Variants in R3HDM1 observed in about 807,000 individuals in gnomAD.
R3HDM1 encodes R3H domain-containing protein 1.
A neutral mutation model predicts 141.1 loss-of-function variants in R3HDM1; 46 were observed. The ratio of observed to expected loss-of-function variants is 0.33; its 90% CI spans 0.26 to 0.42. The LOEUF (loss-of-function observed/expected upper bound fraction) is 0.42. Ranked by LOEUF, R3HDM1 falls within the 10% of genes least tolerant of loss-of-function variation. The pLI is 1.00. For synonymous variants in R3HDM1, 435 were observed against 472.9 expected, an observed-to-expected ratio of 0.92 and a Z score of 1.04; for missense variants, 1,184 against 1,368.3, an observed-to-expected ratio of 0.87 and a Z score of 2.12.
intron 1 of R3HDM1, among the ~76,000 whole-genome samples, chr2:135,595,429 A>G (rs1191185302): frequency 2.6e-5 from 4 of 152,222 alleles, no homozygotes; most frequent in Non-Finnish European, 5.9e-5. Flanking sequence ...TCTGGAGCCA[A>G]CACTACCTGA....
chr2:135,536,532 C>T, intron 1 of R3HDM1: 1 of 928,424 alleles, frequency 1.1e-6, no homozygotes, highest in Non-Finnish European at 1.3e-6. Context: ...ATAACAACTT[C>T]ATCTGCAAAA....
At chr2:135,586,783 T>C (rs1708031742) in intron 1 of R3HDM1, 1 of 985,172 alleles carries the variant, frequency 1.0e-6, no homozygotes, top group Non-Finnish European at 1.2e-6. Flanking sequence ...AACTTACTGA[T>C]AGAATGGTTT....
chr2:135,702,824 C>T (rs2074415307), intron 21 of R3HDM1, among the ~76,000 whole-genome samples: 1 of 151,852 alleles, frequency 6.6e-6, no homozygotes, highest in African/African-American at 2.4e-5. Flanking sequence ...AAAAGAAAAA[C>T]ATATAGAGTA....
At chr2:135,698,627 A>G (rs1448504524) in intron 21 of R3HDM1, among the ~76,000 whole-genome samples, 1 of 152,174 alleles carries the variant, frequency 6.6e-6, no homozygotes, top group Non-Finnish European at 1.5e-5. Flanking sequence ...AGACTGAGTA[A>G]TCTATAAAGA....
intron 1 of R3HDM1, chr2:135,584,062 T>G (rs1707349537): frequency 1.0e-6 from 1 of 984,812 alleles, no homozygotes; most frequent in Admixed American, 6.1e-5. Flanking sequence ...GCATGGTGGC[T>G]CACACCTGTA....
chr2:135,663,685 T>C (rs545825372), intron 19 of R3HDM1, among the ~76,000 whole-genome samples: 3 of 152,284 alleles, frequency 2.0e-5, no homozygotes, highest in African/African-American at 7.2e-5. Context: ...TTAAAAGTTA[T>C]AATCTAAAGA....
At chr2:135,618,463 ATTTTTTT>A (rs755774961) in intron 5 of R3HDM1, among the ~76,000 whole-genome samples, 5 of 124,120 alleles carry the variant, frequency 4.0e-5, no homozygotes, top group African/African-American at 1.2e-4. Context: ...CGCCCGGCTG[ATTTTTTT>A]TTTTTTTTTT....
At chr2:135,627,946 C>T (rs2062216485) in intron 7 of R3HDM1, among the ~76,000 whole-genome samples, 1 of 152,126 alleles carries the variant, frequency 6.6e-6, no homozygotes, top group South Asian at 2.1e-4. Context: ...ACAATAGTAA[C>T]TAAAAGATTG....
intron 18 of R3HDM1, among the ~76,000 whole-genome samples, chr2:135,655,881 A>C (rs919832297): frequency 6.6e-6 from 1 of 152,174 alleles, no homozygotes; most frequent in African/African-American, 2.4e-5. Context: ...GTTTCTGCAA[A>C]AAAAGACCTT....
intron 1 of R3HDM1, among the ~76,000 whole-genome samples, chr2:135,592,848 T>G (rs1443200353): frequency 1.3e-5 from 2 of 152,028 alleles, no homozygotes; most frequent in African/African-American, 4.8e-5. Context: ...CTCAAACTCC[T>G]GAGCCCAAGG....
In R3HDM1 at chr2:135,604,812, A is replaced by G; in HGVS notation, c.-34A>G. 2 of 1,605,162 alleles carry G rather than the reference A, an allele frequency of 1.2e-6. No homozygotes were observed. Among genetic ancestry groups the G allele is most frequent in the Non-Finnish European group, 8.5e-7 (1 of 1,174,366 alleles). ...TTAATTTTTTTTTCTTAAGGCTTCA[A>G]GCTCCCTGTAGAATTCGAAAATAAC... On this transcript the variant is annotated 5_prime_UTR_variant, in exon 3 of 27. Transcript: ENST00000683871.
chr2:135,629,508 G>A (rs1034887337), intron 7 of R3HDM1, among the ~76,000 whole-genome samples: 1 of 152,110 alleles, frequency 6.6e-6, no homozygotes, highest in African/African-American at 2.4e-5. Context: ...AAATATTTTT[G>A]TTGAACCTTT....
chr2:135,686,094 A>G (rs888296486), intron 21 of R3HDM1, among the ~76,000 whole-genome samples: 1 of 152,234 alleles, frequency 6.6e-6, no homozygotes, highest in Non-Finnish European at 1.5e-5. Context: ...TCATTAGAGG[A>G]ATGCAAATCA....
At chr2:135,672,778 C>T (rs2068594698) in intron 19 of R3HDM1, among the ~76,000 whole-genome samples, 1 of 151,820 alleles carries the variant, frequency 6.6e-6, no homozygotes, top group African/African-American at 2.4e-5. Flanking sequence ...AATTAGTGGG[C>T]ATGGATATTA....
intron 1 of R3HDM1, chr2:135,531,858 A>C (rs1694800991): frequency 4.1e-6 from 4 of 984,914 alleles, no homozygotes; most frequent in South Asian, 4.7e-5. Flanking sequence ...CGAGTGAGCC[A>C]GGCTCGCCTG....
chr2:135,610,429 C>G (rs558144147), intron 3 of R3HDM1, among the ~76,000 whole-genome samples: 17 of 152,272 alleles, frequency 1.1e-4, no homozygotes, highest in African/African-American at 3.4e-4. Flanking sequence ...ATACGTGAGT[C>G]AATTTTCCAT....
chr2:135,634,775 A>C (rs527664112), intron 9 of R3HDM1, among the ~76,000 whole-genome samples: 1 of 152,362 alleles, frequency 6.6e-6, no homozygotes, highest in East Asian at 1.9e-4. Context: ...TGATATTTGA[A>C]CTATAAAAAC....
At chr2:135,620,677 A>T in intron 5 of R3HDM1, 1 of 948,486 alleles carries the variant, frequency 1.1e-6, no homozygotes, top group Non-Finnish European at 1.3e-6. Context: ...TATCTTTAGT[A>T]AAACTGGTGT....
At chr2:135,645,610 AGCC>A in intron 16 of R3HDM1, 83 bp downstream of exon 16, 1 of 1,472,720 alleles carries the variant, frequency 6.8e-7, no homozygotes, top group Non-Finnish European at 9.3e-7. Context: ...TAATTGAGAT[AGCC>A]TAAGTATCTC....
Sources: gnomAD v4.1 joint callset for allele counts (sites outside exome capture counted in the v4.1 genomes callset) on GRCh38, gnomAD v4.1.1 for gene constraint, MANE v1.5 for transcripts, NCBI Gene and HGNC (gene_info 2026-07-23, HGNC 2026-07-21) for gene names.